Variants in DPP10 observed in about 807,000 individuals in gnomAD.
DPP10 encodes dipeptidyl peptidase like 10.
DPP10 carries 33 observed loss-of-function variants against 120.9 expected under a neutral mutation model. That is an observed-to-expected ratio of 0.27 (90% CI 0.21 to 0.37). The LOEUF (loss-of-function observed/expected upper bound fraction) is 0.37, where lower values mean the gene tolerates loss of function less well. Among genes scored for constraint, DPP10 ranks in the 10% least tolerant of loss-of-function variants. The probability of loss-of-function intolerance (pLI) is 1.00; values close to 1 mark genes in which losing one functional copy is unlikely to be tolerated. For synonymous variants in DPP10, 337 were observed against 326.1 expected (o/e 1.03, Z -0.36); for missense variants, 816 against 942.8 (o/e 0.87, Z 1.76).
intron 5 of DPP10, among the ~76,000 whole-genome samples, chr2:115,646,387 G>A (rs1280110343): frequency 6.6e-6 from 1 of 152,060 alleles, no homozygotes; most frequent in African/African-American, 2.4e-5. Context: ...TAAAAAAAAA[G>A]AAATTGAAGA....
In DPP10 at chr2:115,591,654, A is replaced by G. The variant is rs189204430; in HGVS notation, c.441+65682A>G. Among the ~76,000 whole-genome samples, 24 of 152,240 alleles carry G rather than the reference A, an allele frequency of 1.6e-4. No homozygotes were observed. In the East Asian group the frequency reaches 4.3e-3, roughly 27 times the overall value. ...GCAATGTGGACTCTTTTTTGGTTCC[A>G]TATGAACTTTAAAGTAGTTTTTTCC... On this transcript the variant is annotated intron_variant, in intron 5 of 25. Transcript: ENST00000410059.
At chr2:115,814,486 T>G (rs1406421797) in intron 19 of DPP10, among the ~76,000 whole-genome samples, 3 of 152,152 alleles carry the variant, frequency 2.0e-5, no homozygotes, top group Non-Finnish European at 4.4e-5. Context: ...AGAAATGCCT[T>G]TGGGAGAGTA....
At chr2:114,465,251 C>T (rs532638682) in intron 1 of DPP10, among the ~76,000 whole-genome samples, 27 of 152,304 alleles carry the variant, frequency 1.8e-4, no homozygotes, top group Admixed American at 7.2e-4. Flanking sequence ...AGGACACATA[C>T]GAAGTGTTTA....
intron 1 of DPP10, among the ~76,000 whole-genome samples, chr2:114,908,517 C>T (rs1694139607): frequency 6.6e-6 from 1 of 151,888 alleles, no homozygotes; most frequent in South Asian, 2.1e-4. Flanking sequence ...TAGCATCAGA[C>T]TTATACTATC....
intron 1 of DPP10, among the ~76,000 whole-genome samples, chr2:115,158,004 C>G (rs567151306): frequency 6.6e-6 from 1 of 152,296 alleles, no homozygotes; most frequent in African/African-American, 2.4e-5. Context: ...TCTAATTTAT[C>G]TGAAACTGAA....
In DPP10 at chr2:115,845,657, C is replaced by T. The variant is rs1353034502; in HGVS notation, c.*3312C>T. ...GTGCTAGCTGTTGTCTTAGACTCTG[C>T]TTTCTGGAAACTATTTTTCCCCTCC... On this transcript the variant is annotated 3_prime_UTR_variant, in exon 26 of 26. Transcript: ENST00000410059. The T allele has an allele frequency of 6.6e-6, 1 of 152,170 alleles. No homozygotes were observed. Among genetic ancestry groups the T allele is most frequent in the African/African-American group, 2.4e-5 (1 of 41,434 alleles). 9.4% of individuals were successfully genotyped at this position (152,170 alleles called of 1,614,324 possible). A position where few individuals can be genotyped will look rare whatever the true frequency, so the allele number is the denominator to read the frequency against.
intron 1 of DPP10, among the ~76,000 whole-genome samples, chr2:114,682,656 G>A (rs952338321): frequency 1.3e-5 from 2 of 151,392 alleles, no homozygotes; most frequent in East Asian, 1.9e-4. Flanking sequence ...CACTTTCAAA[G>A]TGAAAGCCTG....
At chr2:115,006,858 C>A (rs888552809) in intron 1 of DPP10, among the ~76,000 whole-genome samples, 3 of 151,726 alleles carry the variant, frequency 2.0e-5, no homozygotes, top group African/African-American at 7.3e-5. Context: ...CAGCTCTGCA[C>A]CAAGCGGACC....
chr2:115,769,753 C>CT (rs902482693), intron 13 of DPP10, among the ~76,000 whole-genome samples: 3 of 151,700 alleles, frequency 2.0e-5, no homozygotes, highest in African/African-American at 7.3e-5. Context: ...ATTAAGGGAA[C>CT]TTTTTTTATG....
chr2:115,423,943 A>G (rs1185300398), intron 3 of DPP10, among the ~76,000 whole-genome samples: 2 of 152,110 alleles, frequency 1.3e-5, no homozygotes, highest in Admixed American at 1.3e-4. Flanking sequence ...GGTTATGCCA[A>G]ACTCCTCAGG....
intron 5 of DPP10, among the ~76,000 whole-genome samples, chr2:115,605,702 ACTCT>A (rs914345212): frequency 7.3e-5 from 11 of 151,646 alleles, no homozygotes; most frequent in Admixed American, 4.6e-4. Context: ...AGTAAAATTT[ACTCT>A]CTCTCTCTCT....
At position 115,275,702 on chromosome 2, in the gene DPP10, T is replaced by TTTC. The variant is rs1491322526; in HGVS notation, c.61-33535_61-33534insCTT. On this transcript the variant is annotated intron_variant, in intron 1 of 25. Coordinates refer to ENST00000410059, the MANE Select transcript of DPP10 (RefSeq NM_020868.6). Reference sequence around the variant, plus strand: ...ATTCTAGTAAATTTCTTTTCTTTTCTTTTTTTTTTTTTTTTGAGACGGAGT... The same window carrying TTTC: ...ATTCTAGTAAATTTCTTTTCTTTTCTTTCTTTTTTTTTTTTTTTGAGACGGAGT... Among the ~76,000 whole-genome samples the TTTC allele has an allele frequency of 1.5e-3, 7 of 4,560 alleles. No individual in the cohort carries two copies. The Admixed American group carries it at 0.017, about 11-fold the overall frequency. 3.0% of individuals were successfully genotyped at this position (4,560 alleles called of 152,430 possible). A position where few individuals can be genotyped will look rare whatever the true frequency, so the allele number is the denominator to read the frequency against.
intron 4 of DPP10, among the ~76,000 whole-genome samples, chr2:115,503,421 T>A (rs1250609187): frequency 2.0e-5 from 3 of 152,178 alleles, no homozygotes; most frequent in Non-Finnish European, 4.4e-5. Context: ...CTATTCAGTT[T>A]GTGTTTGAGT....
intron 2 of DPP10, among the ~76,000 whole-genome samples, chr2:115,323,914 T>G (rs1402373170): frequency 6.6e-6 from 1 of 152,140 alleles, no homozygotes; most frequent in Non-Finnish European, 1.5e-5. Context: ...TTAGCATGAT[T>G]CTTAAGGGCC....
chr2:115,535,593 C>T (rs1171788913), intron 5 of DPP10, among the ~76,000 whole-genome samples: 16 of 150,130 alleles, frequency 1.1e-4, no homozygotes, highest in African/African-American at 2.2e-4. Flanking sequence ...CTTGGTGATG[C>T]GGGCTCTTTT....
chr2:115,119,104 T>C (rs984029777), intron 1 of DPP10, among the ~76,000 whole-genome samples: 2 of 152,196 alleles, frequency 1.3e-5, no homozygotes, highest in African/African-American at 2.4e-5. Flanking sequence ...CCCTTGATTC[T>C]TCCCTTGGAG....
intron 17 of DPP10, among the ~76,000 whole-genome samples, chr2:115,783,701 T>C (rs1683025571): frequency 6.6e-6 from 1 of 152,106 alleles, no homozygotes; most frequent in Non-Finnish European, 1.5e-5. Flanking sequence ...TCAAATATAT[T>C]CAATATTAAC....
chr2:115,018,506 T>A (rs1427646759), intron 1 of DPP10, among the ~76,000 whole-genome samples: 2 of 152,064 alleles, frequency 1.3e-5, no homozygotes. Context: ...CACATATACA[T>A]CATGGAATAC....
chr2:115,170,556 G>C (rs903388248), intron 1 of DPP10, among the ~76,000 whole-genome samples: 2 of 152,110 alleles, frequency 1.3e-5, no homozygotes, highest in Non-Finnish European at 2.9e-5. Flanking sequence ...TACCTCACTA[G>C]CTTTTAGGGA....
Sources: gnomAD v4.1 joint callset for allele counts (sites outside exome capture counted in the v4.1 genomes callset) on GRCh38, gnomAD v4.1.1 for gene constraint, MANE v1.5 for transcripts, NCBI Gene and HGNC (gene_info 2026-07-23, HGNC 2026-07-21) for gene names.